TMCC1: variants seen among roughly 807,000 people sequenced by gnomAD.
The protein encoded by TMCC1 is transmembrane and coiled-coil domain family 1.
Under a neutral mutation model 52.4 loss-of-function variants are expected in TMCC1, and 15 were observed. That is an observed-to-expected ratio of 0.29 (90% CI 0.19 to 0.44). The LOEUF is 0.44. Ranked by LOEUF, TMCC1 falls within the 20% of genes least tolerant of loss-of-function variation. TMCC1 has a pLI of 1.00. For missense variants in TMCC1, 503 were observed against 806.0 expected (o/e 0.62, Z 4.55); for synonymous variants, 279 against 301.9 (o/e 0.92, Z 0.79).
intron 4 of TMCC1, among the ~76,000 whole-genome samples, chr3:129,755,554 G>C (rs139815750): frequency 6.6e-6 from 1 of 152,056 alleles, no homozygotes; most frequent in Non-Finnish European, 1.5e-5. Flanking sequence ...CCTCAATAAT[G>C]AGAAAACAAT....
intron 2 of TMCC1, among the ~76,000 whole-genome samples, chr3:129,862,772 T>C (rs562913322): frequency 6.6e-6 from 1 of 152,288 alleles, no homozygotes; most frequent in East Asian, 1.9e-4. Context: ...TCCAAATAAA[T>C]TTACTTTCTC....
Position 129,647,959 on chromosome 3 carries a change from G to A in TMCC1, c.*3522C>T, listed in dbSNP as rs957603941. The A allele has an allele frequency of 1.3e-5, 2 of 152,600 alleles. No homozygotes were observed. Among genetic ancestry groups the A allele is most frequent in the African/African-American group, 2.4e-5 (1 of 41,428 alleles). 9.5% of individuals were successfully genotyped at this position (152,600 alleles called of 1,614,324 possible). A position where few individuals can be genotyped will look rare whatever the true frequency, so the allele number is the denominator to read the frequency against. ...ACGTTCACAAGTGTCATTTCTTTAC[G>A]TTTCAATTCGTGCAAGTGAGTTTTT... On this transcript the variant is annotated 3_prime_UTR_variant, in exon 7 of 7. Transcript: ENST00000393238.
chr3:129,657,718 G>T (rs6791414), intron 5 of TMCC1, among the ~76,000 whole-genome samples: 15,417 of 152,152 alleles, frequency 0.1, 958 homozygotes, highest in African/African-American at 0.17. Context: ...GGAGAAGGAG[G>T]AGTATAATAA....
intron 4 of TMCC1, among the ~76,000 whole-genome samples, chr3:129,712,024 A>AT (rs1313458778): frequency 6.7e-6 from 1 of 149,424 alleles, no homozygotes; most frequent in Non-Finnish European, 1.5e-5. Flanking sequence ...AAAAAAAAAA[A>AT]AAATTAGCCA....
intron 4 of TMCC1, among the ~76,000 whole-genome samples, chr3:129,756,851 T>C (rs999587553): frequency 1.3e-5 from 2 of 152,180 alleles, no homozygotes; most frequent in Non-Finnish European, 2.9e-5. Context: ...AGGGGAGTTG[T>C]TGATTATAAA....
intron 4 of TMCC1, among the ~76,000 whole-genome samples, chr3:129,756,262 A>T (rs1159872451): frequency 6.6e-6 from 1 of 152,134 alleles, no homozygotes; most frequent in Non-Finnish European, 1.5e-5. Context: ...AGCTTTCTTC[A>T]TCATCACTAA....
intron 2 of TMCC1, among the ~76,000 whole-genome samples, chr3:129,877,708 A>C (rs1171752541): frequency 1.4e-5 from 2 of 147,392 alleles, no homozygotes; most frequent in East Asian, 4.0e-4. Flanking sequence ...GGCTCATTGC[A>C]ACCTCCACCT....
In TMCC1 at chr3:129,751,828, G is replaced by A. The variant is rs145230559; in HGVS notation, c.576+75975C>T. ...CTCACCTCAGCCTCCCAAAGTGCTG[G>A]GATTATGGGTGTGAGCCACCATGCC... On this transcript the variant is annotated intron_variant, in intron 4 of 6. Coordinates refer to ENST00000393238, the MANE Select transcript of TMCC1 (RefSeq NM_001017395.5). 4.5e-3 allele frequency among the ~76,000 whole-genome samples: 682 copies of A among 152,102 alleles called. 4 individuals are homozygous for A. The highest frequency in any genetic ancestry group is 7.5e-3 in the Non-Finnish European group (510 of 67,998).
At chr3:129,808,201 G>A (rs2057576468) in intron 4 of TMCC1, among the ~76,000 whole-genome samples, 1 of 151,712 alleles carries the variant, frequency 6.6e-6, no homozygotes, top group Non-Finnish European at 1.5e-5. Context: ...ATATAAATAA[G>A]GCTGGGCATG....
intron 2 of TMCC1, among the ~76,000 whole-genome samples, chr3:129,848,181 T>G (rs894627927): frequency 6.6e-6 from 1 of 152,210 alleles, no homozygotes; most frequent in African/African-American, 2.4e-5. Context: ...AATTTAGCGA[T>G]TTTTTCCCCT....
chr3:129,862,584 A>G (rs1258009321), intron 2 of TMCC1, among the ~76,000 whole-genome samples: 1 of 152,230 alleles, frequency 6.6e-6, no homozygotes, highest in African/African-American at 2.4e-5. Flanking sequence ...ATTCACGCAC[A>G]GTGTTTCAGA....
chr3:129,795,411 T>C (rs2056754714), intron 4 of TMCC1, among the ~76,000 whole-genome samples: 1 of 152,094 alleles, frequency 6.6e-6, no homozygotes, highest in Admixed American at 6.6e-5. Flanking sequence ...GAATTGTTCA[T>C]TACTTCTGAA....
chr3:129,681,518 G>A (rs1030622854), intron 4 of TMCC1, among the ~76,000 whole-genome samples: 2 of 151,678 alleles, frequency 1.3e-5, no homozygotes, highest in Admixed American at 1.3e-4. Flanking sequence ...TGGTATCCAT[G>A]AGTAAATGAA....
intron 2 of TMCC1, 136 bp from the exon 3 acceptor site, chr3:129,832,962 G>A (rs2058986694): frequency 6.6e-6 from 1 of 151,912 alleles, no homozygotes; most frequent in Non-Finnish European, 1.5e-5. Flanking sequence ...GTAGAAGTAG[G>A]GTTTGTTTTT....
Position 129,828,362 on chromosome 3 carries a change from C to T in TMCC1, c.17G>A (p.Ser6Asn). The T allele has an allele frequency of 6.2e-7, 1 of 1,613,860 alleles. No individual in the cohort carries two copies. Among genetic ancestry groups the T allele is most frequent in the Non-Finnish European group, 8.5e-7 (1 of 1,179,920 alleles). Residue 6 changes from serine to asparagine, a missense_variant, in exon 4 of 7, where the codon AGT becomes AAT. Physicochemically the swap from Ser to Asn is conservative, Grantham distance 46 (BLOSUM62 1). Transcript: ENST00000393238. This position sits in a 1 kb window ranked among gnomAD's most constrained non-coding sequence, Gnocchi z 4.1. The stretch of plus-strand genomic sequence containing the variant: ...ATCAGGGTCCTCAAATAACTGTTCA[C>T]TGCCCGAAGGCTCCATCAGTAGACT... MEPSG[S>N]EQLFEDPDPG...
intron 2 of TMCC1, among the ~76,000 whole-genome samples, chr3:129,836,377 C>A (rs577880471): frequency 5.3e-4 from 81 of 151,978 alleles, no homozygotes; most frequent in Non-Finnish European, 1.0e-3. Context: ...ATTAATATGA[C>A]ACAGCATCCA....
chr3:129,753,213 T>C (rs2052689996), intron 4 of TMCC1, among the ~76,000 whole-genome samples: 1 of 152,176 alleles, frequency 6.6e-6, no homozygotes, highest in African/African-American at 2.4e-5. Context: ...TTTTGTCCAA[T>C]GTTTACCTAA....
intron 4 of TMCC1, among the ~76,000 whole-genome samples, chr3:129,772,336 T>G (rs929209714): frequency 6.6e-6 from 1 of 151,256 alleles, no homozygotes; most frequent in African/African-American, 2.4e-5. Context: ...GTGGAGAGTG[T>G]GTCTCAAAAA....
intron 4 of TMCC1, chr3:129,688,690 G>A (rs2089590899): frequency 1.0e-6 from 1 of 985,340 alleles, no homozygotes; most frequent in South Asian, 4.7e-5. Context: ...AAGCATCCGT[G>A]TGTGTGCGCG....
Sources: allele counts gnomAD v4.1 joint callset (sites outside exome capture counted in the v4.1 genomes callset), GRCh38; gene constraint gnomAD v4.1.1; non-coding constraint Gnocchi (gnomAD v3.1); transcripts MANE v1.5; gene names NCBI Gene and HGNC (gene_info 2026-07-23, HGNC 2026-07-21).